The following ADGRB3 variants were observed in gnomAD, a reference collection of about 807,000 sequenced individuals.
ADGRB3 encodes brain-specific angiogenesis inhibitor 3.
A neutral mutation model predicts 193.4 loss-of-function variants in ADGRB3; 37 were observed. That is an observed-to-expected ratio of 0.19 (90% CI 0.15 to 0.25). ADGRB3 has a LOEUF of 0.25. Among genes scored for constraint, ADGRB3 ranks in the 10% least tolerant of loss-of-function variants. The pLI, the probability that ADGRB3 is intolerant of heterozygous loss-of-function variation, is 1.00. For synonymous variants in ADGRB3, 690 were observed against 644.2 expected, an observed-to-expected ratio of 1.07 and a Z score of -1.08; for missense variants, 1,637 against 1,852.9, an observed-to-expected ratio of 0.88 and a Z score of 2.14.
chr6:68,793,196 G>A (rs914077189), intron 3 of ADGRB3, among the ~76,000 whole-genome samples: 6 of 152,024 alleles, frequency 3.9e-5, no homozygotes, highest in Admixed American at 1.3e-4. Flanking sequence ...TAAACTGTTC[G>A]TGCATCTCAG....
At chr6:68,977,115 C>A (rs561220716) in intron 10 of ADGRB3, among the ~76,000 whole-genome samples, 3 of 149,030 alleles carry the variant, frequency 2.0e-5, no homozygotes, top group African/African-American at 2.4e-5. Context: ...TTTTTATAGT[C>A]TTTTTTTGTT....
At chr6:68,812,338 T>TA (rs1330033081) in intron 3 of ADGRB3, among the ~76,000 whole-genome samples, 3 of 151,914 alleles carry the variant, frequency 2.0e-5, no homozygotes, top group Admixed American at 6.6e-5. Flanking sequence ...TATCTTTTTT[T>TA]TTATTTCTGA....
At chr6:68,992,661 A>C (rs1012212424) in intron 10 of ADGRB3, among the ~76,000 whole-genome samples, 5 of 152,200 alleles carry the variant, frequency 3.3e-5, no homozygotes, top group African/African-American at 1.2e-4. Flanking sequence ...TATGTCTCTA[A>C]AGATTTTATT....
At chr6:69,372,801 GTGAC>G (rs1302774658) in intron 30 of ADGRB3, among the ~76,000 whole-genome samples, 1 of 152,030 alleles carries the variant, frequency 6.6e-6, no homozygotes, top group Non-Finnish European at 1.5e-5. Flanking sequence ...TTTTACTTCA[GTGAC>G]TGCCTGAAGA....
intron 17 of ADGRB3, among the ~76,000 whole-genome samples, chr6:69,198,071 G>A (rs767586059): frequency 6.6e-6 from 1 of 151,908 alleles, no homozygotes; most frequent in African/African-American, 2.4e-5. Context: ...TCCACTTCTT[G>A]TGTTTTGAAC....
chr6:68,663,906 A>C (rs998840886), intron 3 of ADGRB3, among the ~76,000 whole-genome samples: 1 of 151,830 alleles, frequency 6.6e-6, no homozygotes, highest in South Asian at 2.1e-4. Context: ...TATAAATTAC[A>C]AGTAGCCCAA....
intron 8 of ADGRB3, among the ~76,000 whole-genome samples, chr6:68,961,839 A>C (rs934102058): frequency 2.0e-5 from 3 of 152,198 alleles, no homozygotes; most frequent in Non-Finnish European, 4.4e-5. Flanking sequence ...TGGAATTTAT[A>C]TTATTTAATT....
rs188633578 is a variant in ADGRB3 at position 69,082,438 on chromosome 6, A to G, written c.2480+6400A>G. ...GTAATACCGAATAATATTGTTTCCTATCCTTTTCATCTCATAACCTCTCTT... is the reference window on the plus strand; with the variant it reads ...GTAATACCGAATAATATTGTTTCCTGTCCTTTTCATCTCATAACCTCTCTT... On this transcript the variant is annotated intron_variant, in intron 17 of 31. Transcript: ENST00000370598. Among the ~76,000 whole-genome samples the G allele has an allele frequency of 3.0e-3, 456 of 152,104 alleles. 1 individual carries two copies. The highest frequency in any genetic ancestry group is 5.0e-3 in the Admixed American group (76 of 15,256).
intron 22 of ADGRB3, among the ~76,000 whole-genome samples, chr6:69,329,251 G>A (rs549226472): frequency 6.6e-6 from 1 of 152,212 alleles, no homozygotes; most frequent in East Asian, 1.9e-4. Context: ...TGTTCTGTCA[G>A]ACTAAGGTTT....
chr6:68,855,207 A>G (rs1764944560), intron 3 of ADGRB3, among the ~76,000 whole-genome samples: 1 of 152,182 alleles, frequency 6.6e-6, no homozygotes, highest in Non-Finnish European at 1.5e-5. Flanking sequence ...AATATCTTTT[A>G]ATATCTACAG....
At chr6:69,317,154 G>A (rs1428683930) in intron 20 of ADGRB3, among the ~76,000 whole-genome samples, 1 of 151,394 alleles carries the variant, frequency 6.6e-6, no homozygotes, top group Non-Finnish European at 1.5e-5. Context: ...GGATTAAAAA[G>A]CATATTTATT....
At chr6:69,243,410 T>C (rs1766424783) in intron 20 of ADGRB3, among the ~76,000 whole-genome samples, 1 of 151,946 alleles carries the variant, frequency 6.6e-6, no homozygotes. Context: ...GGAGCAGGAT[T>C]CTGTGACCTT....
At chr6:69,326,571 A>G (rs1301374494) in intron 21 of ADGRB3, among the ~76,000 whole-genome samples, 2 of 152,200 alleles carry the variant, frequency 1.3e-5, no homozygotes, top group African/African-American at 4.8e-5. Flanking sequence ...TGATGGTGCT[A>G]AAGTATCAGA....
At chr6:69,107,212 CT>C (rs1447183704) in intron 17 of ADGRB3, among the ~76,000 whole-genome samples, 5 of 152,090 alleles carry the variant, frequency 3.3e-5, no homozygotes, top group African/African-American at 1.2e-4. Flanking sequence ...ATTAATTAGC[CT>C]TTTTTAAATA....
intron 17 of ADGRB3, among the ~76,000 whole-genome samples, chr6:69,172,424 A>C (rs2150348316): frequency 6.6e-6 from 1 of 151,974 alleles, no homozygotes; most frequent in East Asian, 2.0e-4. Context: ...CGGGTGGATC[A>C]CGAGGTCAGG....
intron 3 of ADGRB3, among the ~76,000 whole-genome samples, chr6:68,829,116 T>G (rs1332634895): frequency 1.3e-5 from 1 of 75,144 alleles, no homozygotes; most frequent in African/African-American, 5.8e-5. Context: ...TTTTTTTTTT[T>G]TGAGATGGTG....
intron 17 of ADGRB3, among the ~76,000 whole-genome samples, chr6:69,124,328 G>A (rs1277179911): frequency 2.0e-5 from 3 of 152,060 alleles, no homozygotes; most frequent in East Asian, 3.9e-4. Context: ...ATGAATTGAT[G>A]GGATTTCTCT....
intron 17 of ADGRB3, among the ~76,000 whole-genome samples, chr6:69,128,110 A>G (rs1773907359): frequency 6.6e-6 from 1 of 152,150 alleles, no homozygotes. Context: ...GAAATTGTAG[A>G]TGGGCTGTAC....
chr6:68,939,599 G>A (rs6939663), intron 5 of ADGRB3, among the ~76,000 whole-genome samples: 96,802 of 152,006 alleles, frequency 0.64, 32,186 homozygotes, highest in Middle Eastern at 0.82. Context: ...TATAGAATAA[G>A]TGCCCCACTA....
Sources: allele counts gnomAD v4.1 joint callset (sites outside exome capture counted in the v4.1 genomes callset), GRCh38; gene constraint gnomAD v4.1.1; transcripts MANE v1.5; gene names NCBI Gene and HGNC (gene_info 2026-07-23, HGNC 2026-07-21).